Variants in PGPEP1 observed in about 807,000 individuals in gnomAD.
The protein encoded by PGPEP1 is pyroglutamyl-peptidase I.
In PGPEP1, 15 loss-of-function variants were observed where a neutral mutation model predicts 24.1. The observed-to-expected ratio is 0.62, with a 90% CI of 0.42 to 0.96. The LOEUF is 0.96. Ranked by LOEUF, PGPEP1 falls within the 40% of genes least tolerant of loss-of-function variation. The pLI is 0.00. For synonymous variants in PGPEP1, 122 were observed against 116.4 expected, an observed-to-expected ratio of 1.05 and a Z score of -0.31; for missense variants, 242 against 273.4, an observed-to-expected ratio of 0.89 and a Z score of 0.81.
rs1340746631 is a variant in PGPEP1, at chr19:18,364,739, G to C, written c.*1156G>C. 3 of 152,240 alleles carry C rather than the reference G, an allele frequency of 2.0e-5. No homozygotes were observed. Among genetic ancestry groups the C allele is most frequent in the Non-Finnish European group, 4.4e-5 (3 of 68,060 alleles). 9.4% of individuals were successfully genotyped at this position (152,240 alleles called of 1,614,324 possible). A position where few individuals can be genotyped will look rare whatever the true frequency, so the allele number is the denominator to read the frequency against. ...TGCTGCCCCAGATGTGGCCATGGGG[G>C]TCGTGGTCCTTTCAACACCAAGCTA... On this transcript the variant is annotated 3_prime_UTR_variant, in exon 5 of 5. Transcript: ENST00000269919.
At position 18,357,311 on chromosome 19, in the gene PGPEP1, C is replaced by G. The variant is rs1971210616; in HGVS notation, c.205-72C>G. 7 of 1,120,874 alleles carry G rather than the reference C, an allele frequency of 6.2e-6. No individual in the cohort carries two copies. In the East Asian group the frequency reaches 1.7e-4, roughly 28 times the overall value. The allele number at this position is 1,120,874 out of a possible 1,614,324, so 69.4% of individuals were successfully genotyped here. A position where few individuals can be genotyped will look rare whatever the true frequency, so the allele number is the denominator to read the frequency against. Reference sequence around the variant, plus strand: ...GAGCTCATTAAGGATGCTGCCTTTTCCCTGGCCTCAGGGGGACCCCTCTGA... The same window carrying G: ...GAGCTCATTAAGGATGCTGCCTTTTGCCTGGCCTCAGGGGGACCCCTCTGA... On this transcript the variant is annotated intron_variant, in intron 3 of 4. Transcript: ENST00000269919.
rs141949088 is a variant in PGPEP1, at chr19:18,353,816, G to A, written c.88-2079G>A. ...TTCATCCACATTGTACCACGGATCAGTGCTTCTTTCCTTTTCATGGCTGAA... is the reference window on the plus strand; with the variant it reads ...TTCATCCACATTGTACCACGGATCAATGCTTCTTTCCTTTTCATGGCTGAA... On this transcript the variant is annotated intron_variant, in intron 2 of 4. Transcript: ENST00000269919. Among the ~76,000 whole-genome samples, 707 of 152,326 alleles carry A rather than the reference G, an allele frequency of 4.6e-3. 7 individuals are homozygous for A. The highest frequency in any genetic ancestry group is 0.016 in the African/African-American group (651 of 41,576).
intron 2 of PGPEP1, chr19:18,349,206 G>A: frequency 1.5e-6 from 1 of 646,604 alleles, no homozygotes; most frequent in Non-Finnish European, 1.9e-6. Context: ...TTTTGAGACA[G>A]AATCTCACTC....
In PGPEP1 at chr19:18,356,025, A is replaced by AG; in HGVS notation, c.204+18dup. The AG allele has an allele frequency of 6.6e-7, 1 of 1,505,818 alleles. No individual in the cohort carries two copies. The highest frequency in any genetic ancestry group is 9.2e-7 in the Non-Finnish European group (1 of 1,081,436). 93.3% of individuals were successfully genotyped at this position (1,505,818 alleles called of 1,614,324 possible). ...CACAGTCCACAGGTGAGTGGTGCCA[A>AG]GGGGCGGCACTTCCTCATCAGGACT... On this transcript the variant is annotated intron_variant, in intron 3 of 4. Coordinates refer to ENST00000269919, the MANE Select transcript of PGPEP1 (RefSeq NM_017712.4).
chr19:18,360,190 G>A (rs1194060722), intron 4 of PGPEP1, among the ~76,000 whole-genome samples: 1 of 151,996 alleles, frequency 6.6e-6, no homozygotes, highest in Non-Finnish European at 1.5e-5. Context: ...TTTTTGTAGA[G>A]ATAGAATCTT....
chr19:18,357,535 C>T lies in PGPEP1; in HGVS notation c.357C>T (p.Ile119=). The change falls in exon 4 of 5, where the codon ATC becomes ATT. Residue 119 remains isoleucine, a synonymous_variant. Transcript: ENST00000269919. ...ACGGGCCTGAAAGCATTGACTCCAT[C>T]ATCGACATGGATGCTGTGTGCAAGC... ...VEDGPESIDS[I]IDMDAVCKRV... 6.2e-7 allele frequency: 1 copy of T among 1,613,432 alleles called. No homozygotes were observed. Among genetic ancestry groups the T allele is most frequent in the Non-Finnish European group, 8.5e-7 (1 of 1,179,710 alleles).
intron 4 of PGPEP1, among the ~76,000 whole-genome samples, chr19:18,360,843 GT>G (rs1971328130): frequency 6.7e-6 from 1 of 150,110 alleles, no homozygotes; most frequent in Admixed American, 6.6e-5. Flanking sequence ...TTTTATTTTA[GT>G]TTTTTTGAGA....
At chr19:18,346,101 C>G (rs1490945035) in intron 2 of PGPEP1, among the ~76,000 whole-genome samples, 4 of 152,136 alleles carry the variant, frequency 2.6e-5, no homozygotes, top group African/African-American at 7.2e-5. Context: ...GCCTCTCCCC[C>G]AAGTACTCCC....
At chr19:18,343,034 C>A in intron 2 of PGPEP1, 123 bp downstream of exon 2, 1 of 701,960 alleles carries the variant, frequency 1.4e-6, no homozygotes, top group Non-Finnish European at 2.5e-6. Context: ...AAATCTTACT[C>A]TGTCACCCAG....
chr19:18,350,278 A>G (rs1970983386), intron 2 of PGPEP1, among the ~76,000 whole-genome samples: 1 of 149,462 alleles, frequency 6.7e-6, no homozygotes, highest in Non-Finnish European at 1.5e-5. Context: ...ATCCATCTCG[A>G]CCTTCCAAAG....
intron 1 of PGPEP1, among the ~76,000 whole-genome samples, chr19:18,341,735 G>A (rs1047177852): frequency 1.3e-5 from 2 of 152,146 alleles, no homozygotes; most frequent in Admixed American, 6.5e-5. Flanking sequence ...GGGAAACTGA[G>A]GCTCACAGAG....
At chr19:18,359,462 T>C (rs1242674024) in intron 4 of PGPEP1, among the ~76,000 whole-genome samples, 2 of 150,516 alleles carry the variant, frequency 1.3e-5, no homozygotes, top group Admixed American at 1.3e-4. Context: ...GAACACCCTA[T>C]GGCCTCTGCC....
chr19:18,359,568 C>A (rs1361317364), intron 4 of PGPEP1, among the ~76,000 whole-genome samples: 4 of 149,156 alleles, frequency 2.7e-5, no homozygotes, highest in Admixed American at 1.4e-4. Context: ...AGTGCATTGG[C>A]GCGATCTTGG....
intron 2 of PGPEP1, among the ~76,000 whole-genome samples, chr19:18,345,448 G>A (rs1165714360): frequency 6.6e-6 from 1 of 151,374 alleles, no homozygotes; most frequent in African/African-American, 2.4e-5. Context: ...ACACTCATTA[G>A]TGAAATTTTA....
intron 2 of PGPEP1, among the ~76,000 whole-genome samples, chr19:18,347,928 G>A (rs1041207802): frequency 2.4e-4 from 36 of 152,128 alleles, no homozygotes; most frequent in African/African-American, 3.9e-4. Flanking sequence ...CACCGCGCCC[G>A]GCCTGTCTCC....
chr19:18,347,288 T>TTTTTTTG lies in PGPEP1; in HGVS notation c.87+4377_87+4378insTTTTTTG, dbSNP rs1970880160. On this transcript the variant is annotated intron_variant, in intron 2 of 4. Coordinates refer to ENST00000269919, the MANE Select transcript of PGPEP1 (RefSeq NM_017712.4). ...TTTCTTTCTTTTTTTTTTTTTTTTTTGTAGAGATGGGATTTGGCTATGTTG... is the reference window on the plus strand; with the variant it reads ...TTTCTTTCTTTTTTTTTTTTTTTTTTTTTTTTGGTAGAGATGGGATTTGGCTATGTTG... Among the ~76,000 whole-genome samples the TTTTTTTG allele has an allele frequency of 3.5e-5, 5 of 144,118 alleles. No individual in the cohort carries two copies. The Admixed American group carries it at 3.5e-4, about 10-fold the overall frequency. 94.5% of individuals were successfully genotyped at this position (144,118 alleles called of 152,430 possible).
intron 2 of PGPEP1, among the ~76,000 whole-genome samples, chr19:18,355,629 A>G (rs1326827733): frequency 6.6e-6 from 1 of 152,180 alleles, no homozygotes; most frequent in African/African-American, 2.4e-5. Flanking sequence ...GGATTGCCCA[A>G]GGTCACACAG....
At chr19:18,359,891 C>T (rs531300867) in intron 4 of PGPEP1, among the ~76,000 whole-genome samples, 54 of 152,238 alleles carry the variant, frequency 3.5e-4, no homozygotes, top group Non-Finnish European at 6.9e-4. Context: ...CCAAGTTATA[C>T]CCTCCCAGCA....
Position 18,368,384 on chromosome 19 carries a change from G to C in PGPEP1, c.*4801G>C, listed in dbSNP as rs1476443129. 1 of 151,096 alleles carries C rather than the reference G, an allele frequency of 6.6e-6. No individual in the cohort carries two copies. Among genetic ancestry groups the C allele is most frequent in the Non-Finnish European group, 1.5e-5 (1 of 67,924 alleles). 9.4% of individuals were successfully genotyped at this position (151,096 alleles called of 1,614,324 possible). A position where few individuals can be genotyped will look rare whatever the true frequency, so the allele number is the denominator to read the frequency against. On this transcript the variant is annotated 3_prime_UTR_variant, in exon 5 of 5. Coordinates refer to ENST00000269919, the MANE Select transcript of PGPEP1 (RefSeq NM_017712.4). ...AACCTGGGAGGCAGAGGTTGCAGTG[G>C]TGTGAGATCACGCCACTGCATTCCA...
Sources: gnomAD v4.1 joint callset for allele counts (sites outside exome capture counted in the v4.1 genomes callset) on GRCh38, gnomAD v4.1.1 for gene constraint, MANE v1.5 for transcripts, NCBI Gene and HGNC (gene_info 2026-07-23, HGNC 2026-07-21) for gene names.